Variants in PRRX1 observed in about 807,000 individuals in gnomAD.
The protein encoded by PRRX1 is paired related homeobox 1.
In PRRX1, 8 loss-of-function variants were observed where a neutral mutation model predicts 24.0. That is an observed-to-expected ratio of 0.33 (90% CI 0.20 to 0.60). PRRX1 has a LOEUF of 0.60. PRRX1 is among the 20% of genes least tolerant of loss of function. PRRX1 has a pLI of 0.82. For synonymous variants in PRRX1, 160 were observed against 131.7 expected (o/e 1.22, Z -1.47); for missense variants, 281 against 322.4 (o/e 0.87, Z 0.98).
chr1:170,675,664 A>T (rs1653298303), intron 1 of PRRX1, among the ~76,000 whole-genome samples: 1 of 152,134 alleles, frequency 6.6e-6, no homozygotes, highest in Admixed American at 6.6e-5. Context: ...CATCTACAGC[A>T]TTTCAGCTTT....
intron 2 of PRRX1, chr1:170,722,470 A>G (rs901840219): frequency 6.6e-6 from 1 of 152,106 alleles, no homozygotes; most frequent in African/African-American, 2.4e-5. Context: ...CCCTCTCCTT[A>G]AGGATGTTTG....
intron 1 of PRRX1, among the ~76,000 whole-genome samples, chr1:170,671,447 C>G (rs192081968): frequency 6.6e-6 from 1 of 152,224 alleles, no homozygotes; most frequent in Non-Finnish European, 1.5e-5. Context: ...TCTGCTGTAG[C>G]GACGCCAGGC....
chr1:170,665,539 G>C (rs1355201411), intron 1 of PRRX1, among the ~76,000 whole-genome samples: 1 of 152,218 alleles, frequency 6.6e-6, no homozygotes, highest in Non-Finnish European at 1.5e-5. Flanking sequence ...GTCAGTAGTT[G>C]CTGGTTACCA....
In PRRX1 at chr1:170,664,147, C is replaced by G. The variant is rs1005396737; in HGVS notation, c.-72C>G. On this transcript the variant is annotated 5_prime_UTR_variant, in exon 1 of 4. Transcript: ENST00000239461. ...TTCTTCCCCACTCGGCTCCTCTCCC[C>G]CCTCGCGCCCACAGCGTTTGGTGTT... is the stretch of plus-strand genomic sequence containing the variant. 128 of 1,497,496 alleles carry G rather than the reference C, an allele frequency of 8.5e-5. No individual in the cohort carries two copies. Among genetic ancestry groups the G allele is most frequent in the Non-Finnish European group, 6.9e-5 (77 of 1,110,402 alleles). 92.8% of individuals were successfully genotyped at this position (1,497,496 alleles called of 1,614,324 possible). A position where few individuals can be genotyped will look rare whatever the true frequency, so the allele number is the denominator to read the frequency against.
At chr1:170,730,277 A>T in intron 3 of PRRX1, 1 of 1,608,300 alleles carries the variant, frequency 6.2e-7, no homozygotes, top group Non-Finnish European at 8.5e-7. Context: ...TCAAAAATAG[A>T]TCCTCGTCCC....
At position 170,726,218 on chromosome 1, in the gene PRRX1, A is replaced by C. The variant is rs748183479; in HGVS notation, c.418-2A>C. 1 of 1,613,232 alleles carries C rather than the reference A, an allele frequency of 6.2e-7. No individual in the cohort carries two copies. Among genetic ancestry groups the C allele is most frequent in the Admixed American group, 1.7e-5 (1 of 59,994 alleles). ...CCTTCTTGCCTCCTAACAATCCTCC[A>C]GGTGTGGTTTCAGAACCGAAGAGCC... On this transcript the variant is annotated splice_acceptor_variant, in intron 2 of 3. Coordinates refer to ENST00000239461, the MANE Select transcript of PRRX1 (RefSeq NM_022716.4). LOFTEE classifies it high-confidence loss of function.
intron 1 of PRRX1, 81 bp downstream of exon 1, chr1:170,664,540 C>T (rs561886668): frequency 2.7e-6 from 4 of 1,505,752 alleles, no homozygotes; most frequent in Non-Finnish European, 2.7e-6. Flanking sequence ...AGAGCCCGTC[C>T]GCGGCCAGAA....
chr1:170,675,637 A>T (rs1055713092), intron 1 of PRRX1, among the ~76,000 whole-genome samples: 1 of 152,176 alleles, frequency 6.6e-6, no homozygotes, highest in Non-Finnish European at 1.5e-5. Flanking sequence ...AAGATAGTGC[A>T]TTTACCCAGA....
intron 1 of PRRX1, chr1:170,667,296 A>ACGCG (rs779067237): frequency 7.7e-6 from 1 of 129,688 alleles, no homozygotes; most frequent in Non-Finnish European, 1.6e-5. Context: ...AGAAACACAC[A>ACGCG]CGCGCGCGCG....
intron 3 of PRRX1, among the ~76,000 whole-genome samples, chr1:170,732,998 TG>T (rs1655487341): frequency 6.6e-6 from 1 of 152,064 alleles, no homozygotes; most frequent in Non-Finnish European, 1.5e-5. Flanking sequence ...ATGTGAAAAA[TG>T]TGCCAGTGAA....
upstream of PRRX1, chr1:170,664,113 C>T (rs1287071847): frequency 2.6e-6 from 3 of 1,139,098 alleles, no homozygotes; most frequent in Non-Finnish European, 3.7e-6. Context: ...CTCTCCACTA[C>T]CCCCCTCTTT....
At chr1:170,700,571 GCAGT>G (rs1654321661) in intron 1 of PRRX1, among the ~76,000 whole-genome samples, 3 of 152,124 alleles carry the variant, frequency 2.0e-5, no homozygotes, top group Admixed American at 1.3e-4. Context: ...TCAAAGTTTA[GCAGT>G]CAGAGAGGCC....
chr1:170,676,728 T>A lies in PRRX1; in HGVS notation c.241+12269T>A, dbSNP rs942753621. 2.6e-5 allele frequency among the ~76,000 whole-genome samples: 4 copies of A among 152,294 alleles called. No homozygotes were observed. In the South Asian group the frequency reaches 8.3e-4, roughly 32 times the overall value. ...GCTGCTCTGACCCCATTTTATTTAT[T>A]TTTCATTATATTGTATGATCTTTGA... On this transcript the variant is annotated intron_variant, in intron 1 of 3. Transcript: ENST00000239461.
At chr1:170,714,295 C>T (rs1478212721) in intron 1 of PRRX1, among the ~76,000 whole-genome samples, 4 of 152,158 alleles carry the variant, frequency 2.6e-5, no homozygotes, top group Admixed American at 1.3e-4. Flanking sequence ...CTGAACCACA[C>T]AAATCCCATT....
chr1:170,663,895 C>T (rs949707538), upstream of PRRX1: 1 of 299,512 alleles, frequency 3.3e-6, no homozygotes, highest in South Asian at 8.2e-5. Flanking sequence ...CTGACTTGAA[C>T]ATAGGGTGAC....
chr1:170,684,851 C>A (rs1221591844), intron 1 of PRRX1, among the ~76,000 whole-genome samples: 1 of 152,238 alleles, frequency 6.6e-6, no homozygotes, highest in Non-Finnish European at 1.5e-5. Flanking sequence ...TCTCATTTTT[C>A]TCAGCATCTT....
rs750376986 is a variant in PRRX1, at chr1:170,737,420, A to G, written c.*1234A>G. 7 of 197,434 alleles carry G rather than the reference A, an allele frequency of 3.5e-5. No individual in the cohort carries two copies. The highest frequency in any genetic ancestry group is 6.3e-5 in the Non-Finnish European group (6 of 95,398). 12.2% of individuals were successfully genotyped at this position (197,434 alleles called of 1,614,324 possible). A position where few individuals can be genotyped will look rare whatever the true frequency, so the allele number is the denominator to read the frequency against. The stretch of plus-strand genomic sequence containing the variant: ...TTAGAAACTATTTGAGGCTATAAAA[A>G]TGTCCTTGAGTTTGGAGCCTGAGCT... On this transcript the variant is annotated 3_prime_UTR_variant, in exon 4 of 4. Coordinates refer to ENST00000239461, the MANE Select transcript of PRRX1 (RefSeq NM_022716.4).
intron 1 of PRRX1, among the ~76,000 whole-genome samples, chr1:170,693,273 T>C (rs751443423): frequency 6.6e-6 from 1 of 152,074 alleles, no homozygotes; most frequent in Non-Finnish European, 1.5e-5. Flanking sequence ...GAAAATGCTG[T>C]AGAAAGGTTC....
upstream of PRRX1, chr1:170,664,044 A>G (rs1571306521): frequency 3.7e-6 from 2 of 533,982 alleles, no homozygotes; most frequent in African/African-American, 1.1e-4. Context: ...CCTCTTTTCC[A>G]ATTTTTTTTT....
Sources: gnomAD v4.1 joint callset for allele counts (sites outside exome capture counted in the v4.1 genomes callset) on GRCh38, gnomAD v4.1.1 for gene constraint, MANE v1.5 for transcripts, NCBI Gene and HGNC (gene_info 2026-07-23, HGNC 2026-07-21) for gene names.